ALK: variants seen among roughly 807,000 people sequenced by gnomAD.
ALK encodes ALK tyrosine kinase receptor.
A neutral mutation model predicts 163.1 loss-of-function variants in ALK; 74 were observed. That is an observed-to-expected ratio of 0.45 (90% CI 0.38 to 0.55). The LOEUF is 0.55. Ranked by LOEUF, ALK falls within the 20% of genes least tolerant of loss-of-function variation. ALK has a pLI of 0.00. For synonymous variants in ALK, 960 were observed against 843.2 expected, an observed-to-expected ratio of 1.14 and a Z score of -2.40; for missense variants, 2,063 against 2,105.3, an observed-to-expected ratio of 0.98 and a Z score of 0.39.
chr2:29,348,388 T>C (rs554992125), intron 5 of ALK, among the ~76,000 whole-genome samples: 1 of 152,350 alleles, frequency 6.6e-6, no homozygotes, highest in South Asian at 2.1e-4. Flanking sequence ...TTGGTATTTG[T>C]GCATCCTCGG....
intron 5 of ALK, among the ~76,000 whole-genome samples, chr2:29,330,632 T>C (rs1667410834): frequency 6.6e-6 from 1 of 152,240 alleles, no homozygotes; most frequent in East Asian, 1.9e-4. Flanking sequence ...ATGTTACCTA[T>C]GTGGTAAAAG....
chr2:29,751,037 C>A (rs1213692054), intron 1 of ALK, among the ~76,000 whole-genome samples: 1 of 151,786 alleles, frequency 6.6e-6, no homozygotes, highest in Non-Finnish European at 1.5e-5. Flanking sequence ...GCCACTGCAC[C>A]CCAGCCTGGG....
intron 5 of ALK, among the ~76,000 whole-genome samples, chr2:29,332,632 T>C (rs1667479030): frequency 6.6e-6 from 1 of 152,244 alleles, no homozygotes. Flanking sequence ...GTATGTATAG[T>C]TGTGTCATAC....
chr2:29,208,936 TGTA>T (rs1669387287), intron 25 of ALK, among the ~76,000 whole-genome samples: 1 of 151,778 alleles, frequency 6.6e-6, no homozygotes, highest in African/African-American at 2.4e-5. Flanking sequence ...ATTTTTAAAA[TGTA>T]GTCTTGAAAA....
At chr2:29,542,142 T>C (rs987791678) in intron 3 of ALK, among the ~76,000 whole-genome samples, 6 of 152,232 alleles carry the variant, frequency 3.9e-5, no homozygotes, top group Non-Finnish European at 7.3e-5. Flanking sequence ...AATTTTTCCA[T>C]GAACCTTCAG....
At chr2:29,688,738 A>C (rs1678308329) in intron 3 of ALK, among the ~76,000 whole-genome samples, 1 of 151,998 alleles carries the variant, frequency 6.6e-6, no homozygotes. Context: ...CTCCAATTAC[A>C]TTTTTCTTCT....
rs2148443408 is a variant in ALK, at chr2:29,920,286, C to T, written c.374G>A (p.Arg125Lys). 6.3e-7 allele frequency: 1 copy of T among 1,579,244 alleles called. No homozygotes were observed. Among genetic ancestry groups the T allele is most frequent in the South Asian group, 1.1e-5 (1 of 87,616 alleles). ...GCGCACGGAGCCGCCCTTCAGCACC[C>T]TGGACAGCGTCCGGGCCTCTGCCGG... is the stretch of plus-strand genomic sequence containing the variant. ...PAPAEARTLS[R>K]VLKGGSVRKL... The change falls in exon 1 of 29, where the codon AGG becomes AAG. Residue 125 changes from arginine (R) to lysine (K), a missense_variant. Around this residue, in one of 5 missense-constraint regions of ALK, gnomAD observed 987 missense variants for 939.5 expected, o/e 1.05. Transcript: ENST00000389048.
intron 4 of ALK, among the ~76,000 whole-genome samples, chr2:29,450,826 C>T (rs984286859): frequency 6.6e-6 from 1 of 152,076 alleles, no homozygotes; most frequent in Non-Finnish European, 1.5e-5. Flanking sequence ...GTTTCTCAGG[C>T]GCCTTTCCTC....
chr2:29,717,837 C>A, intron 1 of ALK, 140 bp from the exon 2 acceptor site: 1 of 1,052,980 alleles, frequency 9.5e-7, no homozygotes, highest in Non-Finnish European at 1.5e-6. Flanking sequence ...AAAATTGAGC[C>A]ACCAGTAGAC....
intron 9 of ALK, among the ~76,000 whole-genome samples, chr2:29,276,242 G>A (rs996495507): frequency 1.3e-5 from 2 of 152,186 alleles, no homozygotes; most frequent in African/African-American, 4.8e-5. Context: ...CCCTGGAAGT[G>A]TTGTAACCAA....
intron 3 of ALK, among the ~76,000 whole-genome samples, chr2:29,636,362 A>G (rs201894125): frequency 4.5e-5 from 1 of 22,186 alleles, no homozygotes; most frequent in South Asian, 2.6e-3. Flanking sequence ...AAAAGAAAAG[A>G]AAAGAAAAGA....
intron 12 of ALK, among the ~76,000 whole-genome samples, chr2:29,250,459 C>T (rs1000586355): frequency 2.6e-5 from 4 of 152,138 alleles, no homozygotes; most frequent in African/African-American, 9.7e-5. Flanking sequence ...GTTCTCAGCC[C>T]CCACTCCAGA....
intron 4 of ALK, among the ~76,000 whole-genome samples, chr2:29,473,034 G>C (rs1671409284): frequency 2.0e-5 from 3 of 152,208 alleles, no homozygotes; most frequent in Admixed American, 2.0e-4. Flanking sequence ...AATACACGTA[G>C]AAATGCAAAA....
At position 29,410,658 on chromosome 2, in the gene ALK, C is replaced by T. The variant is rs74553419; in HGVS notation, c.1155-26799G>A. Among the ~76,000 whole-genome samples, 506 of 152,230 alleles carry T rather than the reference C, an allele frequency of 3.3e-3. 15 individuals carry two copies. The East Asian group carries it at 0.076, about 23-fold the overall frequency. The stretch of plus-strand genomic sequence containing the variant: ...GAATACTGTAGGCAAAGGTAACACA[C>T]GGTATTTGTGTATCTAAACACATCT... On this transcript the variant is annotated intron_variant, in intron 4 of 28. Coordinates refer to ENST00000389048, the MANE Select transcript of ALK (RefSeq NM_004304.5).
intron 5 of ALK, among the ~76,000 whole-genome samples, chr2:29,351,622 G>A (rs1668117411): frequency 6.6e-6 from 1 of 152,202 alleles, no homozygotes; most frequent in African/African-American, 2.4e-5. Context: ...GGAGCAATCA[G>A]ATTCTCAGTT....
intron 1 of ALK, chr2:29,891,106 G>C (rs1039600187): frequency 8.5e-5 from 13 of 152,176 alleles, no homozygotes; most frequent in Non-Finnish European, 1.3e-4. Context: ...ACATAGCTTG[G>C]GGGGAAACCT....
At chr2:29,751,698 A>C (rs1680370554) in intron 1 of ALK, among the ~76,000 whole-genome samples, 1 of 152,174 alleles carries the variant, frequency 6.6e-6, no homozygotes, top group South Asian at 2.1e-4. Flanking sequence ...CTTAGGGACA[A>C]TTCTGAGGCA....
rs563940841 is a variant in ALK at position 29,788,747 on chromosome 2, G to C, written c.668-71050C>G. The stretch of plus-strand genomic sequence containing the variant: ...CAGATTCCAGGGTCAAAGGACTTCA[G>C]CTTTACAACCTGGAGGGCTAAGGAA... On this transcript the variant is annotated intron_variant, in intron 1 of 28. Coordinates refer to ENST00000389048, the MANE Select transcript of ALK (RefSeq NM_004304.5). Among the ~76,000 whole-genome samples the C allele has an allele frequency of 1.1e-4, 17 of 152,304 alleles. No homozygotes were observed. The South Asian group carries it at 3.5e-3, about 32-fold the overall frequency.
chr2:29,419,004 A>G (rs1669950729), intron 4 of ALK, among the ~76,000 whole-genome samples: 1 of 151,442 alleles, frequency 6.6e-6, no homozygotes, highest in Admixed American at 6.6e-5. Flanking sequence ...TGTGCTCTCA[A>G]TAATCCTATA....
Sources: allele counts gnomAD v4.1 joint callset (sites outside exome capture counted in the v4.1 genomes callset), GRCh38; gene constraint gnomAD v4.1.1; regional missense constraint gnomAD v4.1.1; transcripts MANE v1.5; gene names NCBI Gene and HGNC (gene_info 2026-07-23, HGNC 2026-07-21).